Variants in GRM7 observed in about 807,000 individuals in gnomAD.
GRM7 encodes metabotropic glutamate receptor 7.
A neutral mutation model predicts 84.5 loss-of-function variants in GRM7; 35 were observed. The observed-to-expected ratio is 0.41, with a 90% CI of 0.32 to 0.55. The LOEUF is 0.55. Ranked by LOEUF, GRM7 falls within the 20% of genes least tolerant of loss-of-function variation. The pLI, the probability that GRM7 is intolerant of heterozygous loss-of-function variation, is 0.19. For missense variants in GRM7, 1,003 were observed against 1,194.6 expected (o/e 0.84, Z 2.36); for synonymous variants, 487 against 455.1 (o/e 1.07, Z -0.89).
chr3:7,342,445 G>T (rs572541941), intron 4 of GRM7, among the ~76,000 whole-genome samples: 1 of 152,214 alleles, frequency 6.6e-6, no homozygotes, highest in African/African-American at 2.4e-5. Flanking sequence ...GCTGTTTCCT[G>T]CTGCATCTAG....
chr3:7,304,266 G>A lies in GRM7; in HGVS notation c.879-2232G>A, dbSNP rs187682994. Among the ~76,000 whole-genome samples the A allele has an allele frequency of 2.5e-3, 350 of 137,608 alleles. 1 individual carries two copies. Among genetic ancestry groups the A allele is most frequent in the African/African-American group, 8.6e-3 (330 of 38,186 alleles). The allele number at this position is 137,608 out of a possible 152,430, so 90.3% of individuals were successfully genotyped here. ...AATGTTAAAATTTTAAAGTCTTTTTGTCAGAATATTGAAGCCATTGCTCCA... is the reference window on the plus strand; with the variant it reads ...AATGTTAAAATTTTAAAGTCTTTTTATCAGAATATTGAAGCCATTGCTCCA... On this transcript the variant is annotated intron_variant, in intron 3 of 9. Transcript: ENST00000357716.
At chr3:7,697,197 G>T (rs1300925546) in intron 9 of GRM7, among the ~76,000 whole-genome samples, 2 of 151,858 alleles carry the variant, frequency 1.3e-5, no homozygotes, top group Admixed American at 6.6e-5. Flanking sequence ...TATAAAATAG[G>T]CAAAAAAGAA....
chr3:7,561,556 C>T (rs779589174), intron 7 of GRM7: 18 of 456,408 alleles, frequency 3.9e-5, no homozygotes, highest in East Asian at 2.8e-4. Context: ...TCCAGGACAT[C>T]GTAGTACCCT....
At chr3:7,043,007 A>G (rs1315806321) in intron 1 of GRM7, among the ~76,000 whole-genome samples, 2 of 152,216 alleles carry the variant, frequency 1.3e-5, no homozygotes, top group Non-Finnish European at 2.9e-5. Flanking sequence ...GATCAGTGTT[A>G]AAGAGCTAAG....
At chr3:7,603,254 G>GA (rs997040445) in intron 8 of GRM7, among the ~76,000 whole-genome samples, 14 of 151,322 alleles carry the variant, frequency 9.3e-5, no homozygotes, top group Admixed American at 2.6e-4. Context: ...ATTTAATGAA[G>GA]AAAAAAAAAT....
At chr3:7,707,223 A>T (rs1701421380) in intron 9 of GRM7, among the ~76,000 whole-genome samples, 1 of 152,180 alleles carries the variant, frequency 6.6e-6, no homozygotes, top group Non-Finnish European at 1.5e-5. Context: ...ACTTCCTGTG[A>T]CCAACTAGGA....
chr3:6,905,132 T>G (rs900496937), intron 1 of GRM7, among the ~76,000 whole-genome samples: 22 of 152,292 alleles, frequency 1.4e-4, no homozygotes, highest in Non-Finnish European at 2.9e-4. Flanking sequence ...CAAAATCGCT[T>G]TTTCACGCTG....
chr3:7,465,460 G>C (rs911133331), intron 7 of GRM7, among the ~76,000 whole-genome samples: 1 of 150,076 alleles, frequency 6.7e-6, no homozygotes, highest in South Asian at 2.1e-4. Flanking sequence ...AGTACCCAGA[G>C]GCACCCTACC....
chr3:7,231,946 G>T (rs558938668), intron 2 of GRM7, among the ~76,000 whole-genome samples: 10 of 152,312 alleles, frequency 6.6e-5, no homozygotes, highest in African/African-American at 2.4e-4. Flanking sequence ...ATGGGAAGCT[G>T]CTGAGGGAGA....
chr3:7,402,035 C>CT (rs1695475139), intron 4 of GRM7, among the ~76,000 whole-genome samples: 2 of 152,144 alleles, frequency 1.3e-5, no homozygotes, highest in African/African-American at 4.8e-5. Flanking sequence ...ATGTAAGACT[C>CT]TTTTCTCCCT....
chr3:7,066,438 T>A (rs1366109752), intron 1 of GRM7, among the ~76,000 whole-genome samples: 2 of 151,870 alleles, frequency 1.3e-5, no homozygotes, highest in South Asian at 2.1e-4. Flanking sequence ...GATGGATGAA[T>A]TCCTGGAAAA....
intron 2 of GRM7, among the ~76,000 whole-genome samples, chr3:7,238,522 A>C (rs905912975): frequency 6.6e-6 from 1 of 152,048 alleles, no homozygotes; most frequent in Non-Finnish European, 1.5e-5. Context: ...TCTGCCACTA[A>C]CATGTACACT....
rs76104326 is a variant in GRM7 at position 6,976,989 on chromosome 3, G to A, written c.519+115082G>A. 7.3e-3 allele frequency among the ~76,000 whole-genome samples: 1,113 copies of A among 152,224 alleles called. 5 individuals carry two copies. The highest frequency in any genetic ancestry group is 0.011 in the Non-Finnish European group (732 of 68,012). ...GAAGAGAATCAGTGCAGAGGCTTGG[G>A]TTATGATATGAAGTGATCAGAATTG... On this transcript the variant is annotated intron_variant, in intron 1 of 9. Transcript: ENST00000357716.
At chr3:6,901,924 T>C (rs1044851212) in intron 1 of GRM7, among the ~76,000 whole-genome samples, 3 of 152,114 alleles carry the variant, frequency 2.0e-5, no homozygotes, top group African/African-American at 7.2e-5. Context: ...TGACTATACA[T>C]TTTTGTATGT....
At chr3:7,057,804 G>C (rs1308631943) in intron 1 of GRM7, among the ~76,000 whole-genome samples, 1 of 151,822 alleles carries the variant, frequency 6.6e-6, no homozygotes, top group Non-Finnish European at 1.5e-5. Context: ...CATATATCAG[G>C]ATGATCTCTC....
intron 1 of GRM7, among the ~76,000 whole-genome samples, chr3:6,943,293 C>T (rs73019753): frequency 0.072 from 10,906 of 151,098 alleles, 520 homozygotes; most frequent in Non-Finnish European, 0.11. Flanking sequence ...AAATCTTTGC[C>T]CAATATTTTC....
chr3:7,006,568 T>C (rs1401242780), intron 1 of GRM7, among the ~76,000 whole-genome samples: 1 of 152,340 alleles, frequency 6.6e-6, no homozygotes, highest in East Asian at 1.9e-4. Flanking sequence ...ATATAAGTCT[T>C]TGTGGCTAAC....
At chr3:7,058,481 A>G (rs28459990) in intron 1 of GRM7, among the ~76,000 whole-genome samples, 6 of 151,926 alleles carry the variant, frequency 3.9e-5, no homozygotes, top group South Asian at 4.1e-4. Context: ...GTTGATGTCA[A>G]TATTTGATTG....
intron 1 of GRM7, among the ~76,000 whole-genome samples, chr3:7,063,898 A>G (rs1024880476): frequency 1.3e-5 from 2 of 151,786 alleles, no homozygotes; most frequent in Admixed American, 1.3e-4. Flanking sequence ...ACAAGCTAAT[A>G]TAATAGGCAA....
Sources: allele counts gnomAD v4.1 joint callset (sites outside exome capture counted in the v4.1 genomes callset), GRCh38; gene constraint gnomAD v4.1.1; transcripts MANE v1.5; gene names NCBI Gene and HGNC (gene_info 2026-07-23, HGNC 2026-07-21).